Variants in ERC2 observed in about 807,000 individuals in gnomAD.
ERC2 encodes the protein ELKS/RAB6-interacting/CAST family member 2.
Under a neutral mutation model 114.8 loss-of-function variants are expected in ERC2, and 42 were observed. The ratio of observed to expected loss-of-function variants is 0.37; its 90% CI spans 0.29 to 0.47. The LOEUF (loss-of-function observed/expected upper bound fraction) is 0.47. ERC2 is among the 20% of genes least tolerant of loss of function. The probability of loss-of-function intolerance (pLI) is 0.99; values close to 1 mark genes in which losing one functional copy is unlikely to be tolerated. For missense variants in ERC2, 939 were observed against 1,150.7 expected (o/e 0.82, Z 2.66); for synonymous variants, 454 against 425.5 (o/e 1.07, Z -0.82).
At position 56,401,852 on chromosome 3, in the gene ERC2, G is replaced by A. The variant is rs182980656; in HGVS notation, c.657+32499C>T. Among the ~76,000 whole-genome samples the A allele has an allele frequency of 2.4e-4, 37 of 152,232 alleles. 1 individual carries two copies. In the South Asian group the frequency reaches 5.4e-3, roughly 22 times the overall value. The stretch of plus-strand genomic sequence containing the variant: ...CAGTGTATTTTTCTGTTCTCACACT[G>A]CTAATACATACATACCCGAGACTGG... On this transcript the variant is annotated intron_variant, in intron 2 of 17. Coordinates refer to ENST00000288221, the MANE Select transcript of ERC2 (RefSeq NM_015576.3).
intron 16 of ERC2, among the ~76,000 whole-genome samples, chr3:55,688,473 T>C (rs1011637260): frequency 1.3e-5 from 2 of 152,158 alleles, no homozygotes; most frequent in African/African-American, 4.8e-5. Context: ...CTCCACCATA[T>C]GAGCCGAGAA....
At chr3:56,140,143 T>C (rs1390731042) in intron 5 of ERC2, among the ~76,000 whole-genome samples, 1 of 152,170 alleles carries the variant, frequency 6.6e-6, no homozygotes, top group African/African-American at 2.4e-5. Flanking sequence ...GATCATCTTT[T>C]TGCTTACATT....
chr3:55,692,744 T>C (rs2062730074), intron 16 of ERC2, among the ~76,000 whole-genome samples: 1 of 152,224 alleles, frequency 6.6e-6, no homozygotes, highest in African/African-American at 2.4e-5. Flanking sequence ...GGTTCAGTAC[T>C]GTAAGCATCT....
chr3:56,042,736 C>T (rs2075261449), intron 7 of ERC2, among the ~76,000 whole-genome samples: 3 of 152,096 alleles, frequency 2.0e-5, no homozygotes, highest in Admixed American at 2.0e-4. Context: ...CTTCCCAATT[C>T]TCGGTGCTTA....
intron 17 of ERC2, among the ~76,000 whole-genome samples, chr3:55,532,075 A>G (rs915146951): frequency 6.6e-6 from 1 of 152,192 alleles, no homozygotes; most frequent in Non-Finnish European, 1.5e-5. Context: ...CTTGAGCTAC[A>G]TCACCCTTTT....
At chr3:56,285,227 T>C (rs772317537) in intron 3 of ERC2, among the ~76,000 whole-genome samples, 3 of 151,506 alleles carry the variant, frequency 2.0e-5, no homozygotes, top group Non-Finnish European at 4.4e-5. Flanking sequence ...CAGATGGGGC[T>C]AGGAGTTACT....
chr3:56,092,708 A>G (rs2077859665), intron 6 of ERC2, among the ~76,000 whole-genome samples: 1 of 152,200 alleles, frequency 6.6e-6, no homozygotes, highest in South Asian at 2.1e-4. Flanking sequence ...CAAAATACTT[A>G]AAACCAATTT....
At chr3:55,881,897 T>A (rs1035629508) in intron 14 of ERC2, among the ~76,000 whole-genome samples, 7 of 152,220 alleles carry the variant, frequency 4.6e-5, no homozygotes, top group Non-Finnish European at 8.8e-5. Context: ...GAAAGGTGAA[T>A]ATTATGTACT....
intron 15 of ERC2, among the ~76,000 whole-genome samples, chr3:55,714,663 G>GTATA (rs2063983166): frequency 5.4e-5 from 5 of 92,214 alleles, no homozygotes; most frequent in East Asian, 3.1e-4. Flanking sequence ...GTGTGTGTGT[G>GTATA]TGTGTATATA....
intron 17 of ERC2, among the ~76,000 whole-genome samples, chr3:55,649,488 C>T (rs1406194901): frequency 6.6e-6 from 1 of 152,138 alleles, no homozygotes; most frequent in Non-Finnish European, 1.5e-5. Context: ...TTTCAAACTC[C>T]TGACCTCATG....
At chr3:56,447,771 C>T (rs1168394801) in intron 1 of ERC2, among the ~76,000 whole-genome samples, 1 of 151,420 alleles carries the variant, frequency 6.6e-6, no homozygotes, top group African/African-American at 2.4e-5. Flanking sequence ...GAGACAGAGT[C>T]TCGCTCTGCC....
chr3:55,950,384 C>A, intron 13 of ERC2, 41 bp downstream of exon 13: 1 of 1,608,740 alleles, frequency 6.2e-7, no homozygotes. Flanking sequence ...GAGAGTCCAT[C>A]TCTAGTTATT....
chr3:56,380,355 T>G (rs2059702039), intron 2 of ERC2, among the ~76,000 whole-genome samples: 1 of 152,110 alleles, frequency 6.6e-6, no homozygotes. Flanking sequence ...CCAGTACAAG[T>G]TCTCGTCTCA....
chr3:56,007,250 T>A lies in ERC2; in HGVS notation c.1992A>T (p.Leu664Phe). Reference protein sequence around the residue: ...ASAGLKRDSKLKSLEIAIEQK... With the variant: ...ASAGLKRDSKFKSLEIAIEQK... ...GTTCAATGGCTATTTCTAGAGATTT[T>A]AATTTGGAATCCCTTTTCAGCCCCG... The change falls in exon 10 of 18, where the codon TTA becomes TTT. Residue 664 changes from leucine (L) to phenylalanine (F), a missense_variant. Physicochemically the swap from Leu to Phe is conservative, Grantham distance 22. Coordinates refer to ENST00000288221, the MANE Select transcript of ERC2 (RefSeq NM_015576.3). The A allele has an allele frequency of 6.3e-7, 1 of 1,589,674 alleles. No individual in the cohort carries two copies.
chr3:55,889,100 C>T (rs1478120337), intron 13 of ERC2, among the ~76,000 whole-genome samples: 1 of 152,202 alleles, frequency 6.6e-6, no homozygotes, highest in Non-Finnish European at 1.5e-5. Flanking sequence ...GCAAAAGTCT[C>T]AGATACTTTC....
At chr3:55,621,112 GT>G (rs1169226908) in intron 17 of ERC2, among the ~76,000 whole-genome samples, 1 of 151,746 alleles carries the variant, frequency 6.6e-6, no homozygotes, top group Non-Finnish European at 1.5e-5. Context: ...TTTCCATTCT[GT>G]CCCCTTTCTT....
chr3:55,732,620 C>T (rs1036045502), intron 15 of ERC2, among the ~76,000 whole-genome samples: 1 of 152,132 alleles, frequency 6.6e-6, no homozygotes, highest in East Asian at 1.9e-4. Flanking sequence ...AAAAAGGTAG[C>T]CTTAAAAATT....
chr3:55,779,387 A>G lies in ERC2; in HGVS notation c.2565-44469T>C, dbSNP rs554292214. On this transcript the variant is annotated intron_variant, in intron 14 of 17. Coordinates refer to ENST00000288221, the MANE Select transcript of ERC2 (RefSeq NM_015576.3). ...TGTAGTGGCGGTGCCTGTAATCCCA[A>G]CTACTCAGGAGGCTGAGGCGGGAGA... Among the ~76,000 whole-genome samples the G allele has an allele frequency of 6.6e-4, 100 of 151,500 alleles. No homozygotes were observed. The East Asian group carries it at 9.5e-3, about 14-fold the overall frequency.
chr3:55,680,291 A>G (rs991981655), intron 17 of ERC2, among the ~76,000 whole-genome samples: 1 of 152,182 alleles, frequency 6.6e-6, no homozygotes, highest in Non-Finnish European at 1.5e-5. Context: ...CTTGTGTTCT[A>G]TCTTTGCTCA....
Sources: gnomAD v4.1 joint callset for allele counts (sites outside exome capture counted in the v4.1 genomes callset) on GRCh38, gnomAD v4.1.1 for gene constraint, MANE v1.5 for transcripts, NCBI Gene and HGNC (gene_info 2026-07-23, HGNC 2026-07-21) for gene names.